The following MAP3K5 variants were observed in gnomAD, a reference collection of about 807,000 sequenced individuals.
MAP3K5 encodes the protein mitogen-activated protein kinase kinase kinase 5, also known as ASK-1.
In MAP3K5, 56 loss-of-function variants were observed where a neutral mutation model predicts 158.7. That is an observed-to-expected ratio of 0.35 (90% confidence interval 0.28 to 0.44). The LOEUF is 0.44. Among genes scored for constraint, MAP3K5 ranks in the 20% least tolerant of loss-of-function variants. The pLI is 1.00. For missense variants in MAP3K5, 1,294 were observed against 1,674.8 expected (o/e 0.77, Z 3.97); for synonymous variants, 579 against 601.7 (o/e 0.96, Z 0.55).
At chr6:136,716,966 T>C (rs1263381583) in intron 2 of MAP3K5, among the ~76,000 whole-genome samples, 1 of 152,140 alleles carries the variant, frequency 6.6e-6, no homozygotes, top group African/African-American at 2.4e-5. Context: ...AAGACCAGCC[T>C]GGCCAACATG....
At chr6:136,686,681 A>G (rs1467936946) in intron 7 of MAP3K5, among the ~76,000 whole-genome samples, 1 of 152,176 alleles carries the variant, frequency 6.6e-6, no homozygotes, top group Non-Finnish European at 1.5e-5. Context: ...CAATTGCCAC[A>G]AAGAGAATAA....
chr6:136,623,046 A>T (rs1583289197), intron 14 of MAP3K5, 65 bp from the exon 15 acceptor site: 5 of 1,529,758 alleles, frequency 3.3e-6, no homozygotes, highest in South Asian at 2.3e-5. Context: ...CAAACATCAA[A>T]TTTTTTTCCA....
intron 12 of MAP3K5, among the ~76,000 whole-genome samples, chr6:136,642,204 A>T (rs1778012677): frequency 6.6e-6 from 1 of 152,072 alleles, no homozygotes. Context: ...TACATAAACC[A>T]ACAGCTCAGC....
intron 8 of MAP3K5, among the ~76,000 whole-genome samples, chr6:136,659,781 C>T (rs971726030): frequency 3.3e-5 from 5 of 152,074 alleles, no homozygotes; most frequent in African/African-American, 4.8e-5. Flanking sequence ...TAAAAAAGTT[C>T]GGGAGGTGAA....
In MAP3K5 at chr6:136,696,002, T is replaced by C. The variant is rs1230367045; in HGVS notation, c.1031A>G (p.Asp344Gly). The C allele has an allele frequency of 1.2e-6, 2 of 1,613,834 alleles. No homozygotes were observed. The highest frequency in any genetic ancestry group is 1.7e-6 in the Non-Finnish European group (2 of 1,179,828). Residue 344 changes from aspartate (D) to glycine (G), a missense_variant, in exon 6 of 30, where the codon GAT becomes GGT. Coordinates refer to ENST00000359015, the MANE Select transcript of MAP3K5 (RefSeq NM_005923.4). Reference sequence around the variant, plus strand: ...CTTCACATGGTGATGGGAGGCCAAATCAAAGGTTGGCAGTTTTTCTAAAGT... The same window carrying C: ...CTTCACATGGTGATGGGAGGCCAAACCAAAGGTTGGCAGTTTTTCTAAAGT... ...VETLEKLPTF[D>G]LASHHHVKFH...
In MAP3K5 at chr6:136,698,694, G is replaced by C; in HGVS notation, c.613-12C>G. The C allele has an allele frequency of 6.3e-7, 1 of 1,599,524 alleles. No individual in the cohort carries two copies. On this transcript the variant is annotated splice_polypyrimidine_tract_variant and intron_variant, in intron 3 of 29. Coordinates refer to ENST00000359015, the MANE Select transcript of MAP3K5 (RefSeq NM_005923.4). ...TTCCCAGTGCACATCTGCGGAGAGA[G>C]GAGGCATCGGCAAGTGGGGAGCTGG... is the stretch of plus-strand genomic sequence containing the variant.
At chr6:136,752,017 C>T (rs779320064) in intron 1 of MAP3K5, among the ~76,000 whole-genome samples, 2 of 152,148 alleles carry the variant, frequency 1.3e-5, no homozygotes, top group Non-Finnish European at 2.9e-5. Flanking sequence ...CATTCTAGAG[C>T]CTTTTTCTCA....
At chr6:136,564,649 T>C (rs1366537506) in intron 26 of MAP3K5, among the ~76,000 whole-genome samples, 1 of 152,368 alleles carries the variant, frequency 6.6e-6, no homozygotes, top group East Asian at 1.9e-4. Context: ...TGATGTTTTC[T>C]AGAGTTTAAC....
intron 10 of MAP3K5, 57 bp downstream of exon 10, chr6:136,656,250 G>T: frequency 1.3e-6 from 2 of 1,518,332 alleles, no homozygotes; most frequent in Non-Finnish European, 9.1e-7. Flanking sequence ...TACAATCACA[G>T]TACAAGATGT....
intron 1 of MAP3K5, among the ~76,000 whole-genome samples, chr6:136,777,497 A>G (rs1377338782): frequency 6.6e-6 from 1 of 152,226 alleles, no homozygotes; most frequent in Non-Finnish European, 1.5e-5. Flanking sequence ...GGATCAACCA[A>G]AGCTAGTTTC....
intron 25 of MAP3K5, among the ~76,000 whole-genome samples, chr6:136,578,243 AACT>A (rs1774707784): frequency 6.6e-6 from 1 of 152,224 alleles, no homozygotes; most frequent in African/African-American, 2.4e-5. Context: ...TTCACATTCC[AACT>A]ACTAATCATG....
At position 136,641,625 on chromosome 6, in the gene MAP3K5, T is replaced by C. The variant is rs183731483; in HGVS notation, c.1838+895A>G. ...TTCACCACTGTAATCTCAAGATCAA[T>C]GCAGGAAAGTGACCTTACAGAAGGT... On this transcript the variant is annotated intron_variant, in intron 12 of 29. Coordinates refer to ENST00000359015, the MANE Select transcript of MAP3K5 (RefSeq NM_005923.4). Among the ~76,000 whole-genome samples the C allele has an allele frequency of 8.8e-5, 13 of 148,272 alleles. No individual in the cohort carries two copies. In the East Asian group the frequency reaches 2.6e-3, roughly 29 times the overall value.
intron 12 of MAP3K5, among the ~76,000 whole-genome samples, chr6:136,641,992 A>G (rs1205647264): frequency 8.9e-6 from 1 of 112,948 alleles, no homozygotes; most frequent in Non-Finnish European, 1.7e-5. Context: ...CTGTCTCACA[A>G]AATAAAATAA....
chr6:136,740,713 C>G (rs1055356112), intron 1 of MAP3K5, among the ~76,000 whole-genome samples: 1 of 152,176 alleles, frequency 6.6e-6, no homozygotes, highest in Non-Finnish European at 1.5e-5. Flanking sequence ...CTTGGATTCT[C>G]GAGTGAGTTT....
chr6:136,606,803 T>A (rs991583259), intron 18 of MAP3K5, among the ~76,000 whole-genome samples: 13 of 152,264 alleles, frequency 8.5e-5, no homozygotes, highest in African/African-American at 3.1e-4. Flanking sequence ...CTTTTAGGAA[T>A]GCCTCATGCA....
At chr6:136,621,252 T>C (rs1417619577) in intron 15 of MAP3K5, among the ~76,000 whole-genome samples, 1 of 152,212 alleles carries the variant, frequency 6.6e-6, no homozygotes, top group Non-Finnish European at 1.5e-5. Flanking sequence ...CTTCTATTAC[T>C]GTTTTTGATC....
At chr6:136,607,980 G>A (rs1225807992) in intron 18 of MAP3K5, among the ~76,000 whole-genome samples, 1 of 152,176 alleles carries the variant, frequency 6.6e-6, no homozygotes, top group Admixed American at 6.5e-5. Flanking sequence ...TAAATAGGGT[G>A]TTCATGGCTG....
At chr6:136,682,240 A>T (rs1353145001) in intron 7 of MAP3K5, among the ~76,000 whole-genome samples, 2 of 152,208 alleles carry the variant, frequency 1.3e-5, no homozygotes, top group East Asian at 3.9e-4. Context: ...GACTCATATA[A>T]TAGACACAAT....
intron 14 of MAP3K5, 79 bp from the exon 15 acceptor site, chr6:136,623,060 G>T (rs1776881566): frequency 6.5e-6 from 9 of 1,383,926 alleles, no homozygotes; most frequent in Admixed American, 5.2e-5. Context: ...TTTTCCAAGA[G>T]CATTATTCCT....
Sources: gnomAD v4.1 joint callset for allele counts (sites outside exome capture counted in the v4.1 genomes callset) on GRCh38, gnomAD v4.1.1 for gene constraint, MANE v1.5 for transcripts, NCBI Gene and HGNC (gene_info 2026-07-23, HGNC 2026-07-21) for gene names.